HLTF: variants seen among roughly 807,000 people sequenced by gnomAD.
HLTF encodes helicase like transcription factor.
In HLTF, 127 loss-of-function variants were observed where a neutral mutation model predicts 129.4. The ratio of observed to expected loss-of-function variants is 0.98; its 90% CI spans 0.85 to 1.14. The LOEUF (loss-of-function observed/expected upper bound fraction) is 1.14. Ranked by LOEUF, HLTF falls within the 50% of genes most tolerant of loss-of-function variation. HLTF has a pLI of 0.00. For missense variants in HLTF, 1,139 were observed against 1,187.1 expected, an observed-to-expected ratio of 0.96 and a Z score of 0.60; for synonymous variants, 332 against 388.8, an observed-to-expected ratio of 0.85 and a Z score of 1.72.
chr3:149,084,600 A>G, intron 2 of HLTF, 82 bp downstream of exon 2: 1 of 969,482 alleles, frequency 1.0e-6, no homozygotes, highest in East Asian at 2.5e-5. Flanking sequence ...GATTAACCGC[A>G]CACATCACCT....
At chr3:149,051,364 T>C (rs566837698) in intron 14 of HLTF, among the ~76,000 whole-genome samples, 121 of 152,242 alleles carry the variant, frequency 7.9e-4, no homozygotes, top group African/African-American at 2.7e-3. Flanking sequence ...TGTAAATAAT[T>C]ACCTATAGAT....
intron 18 of HLTF, among the ~76,000 whole-genome samples, chr3:149,042,795 T>C (rs1716238291): frequency 6.6e-6 from 1 of 152,254 alleles, no homozygotes; most frequent in Middle Eastern, 3.4e-3. Flanking sequence ...TCTCTGTTTA[T>C]GTGTACTAAT....
At chr3:149,036,287 A>G (rs1212947199) in intron 23 of HLTF, among the ~76,000 whole-genome samples, 1 of 117,652 alleles carries the variant, frequency 8.5e-6, no homozygotes, top group East Asian at 2.5e-4. Context: ...TTTTAAATTA[A>G]AACTATGAGG....
At chr3:149,035,553 G>A (rs1576569424) in intron 23 of HLTF, among the ~76,000 whole-genome samples, 2 of 150,372 alleles carry the variant, frequency 1.3e-5, no homozygotes, top group East Asian at 2.0e-4. Context: ...AGCTACTCAG[G>A]AGGCTGAGGC....
intron 23 of HLTF, among the ~76,000 whole-genome samples, chr3:149,038,569 C>G (rs1715844936): frequency 6.6e-6 from 1 of 151,994 alleles, no homozygotes; most frequent in Non-Finnish European, 1.5e-5. Flanking sequence ...GTGACAGGAG[C>G]ATGGCTCACT....
At chr3:149,061,525 A>G (rs1351287580) in intron 10 of HLTF, among the ~76,000 whole-genome samples, 1 of 152,176 alleles carries the variant, frequency 6.6e-6, no homozygotes, top group Non-Finnish European at 1.5e-5. Context: ...TAAAGCATAT[A>G]AAACTGGAAC....
chr3:149,073,298 C>T lies in HLTF; in HGVS notation c.554G>A (p.Gly185Asp). ...TGGTCCAGCTCTTCCAGAGCCCCAACCACTTTCCAAATTGAATCCTAAAGC... is the reference window on the plus strand; with the variant it reads ...TGGTCCAGCTCTTCCAGAGCCCCAATCACTTTCCAAATTGAATCCTAAAGC... ...PKTLGFNLESGWGSGRAGPSY... is the reference protein window; with the variant it reads ...PKTLGFNLESDWGSGRAGPSY... The change falls in exon 5 of 25, where the codon GGT becomes GAT. Residue 185 changes from glycine to aspartate, a missense_variant. By Grantham distance (94) the Gly-to-Asp change is moderately conservative (BLOSUM62 -1). Transcript: ENST00000310053. 11 of 1,612,050 alleles carry T rather than the reference C, an allele frequency of 6.8e-6. No homozygotes were observed. Among genetic ancestry groups the T allele is most frequent in the Non-Finnish European group, 9.3e-6 (11 of 1,178,538 alleles).
intron 13 of HLTF, chr3:149,059,429 C>T (rs1717731681): frequency 4.3e-6 from 2 of 466,216 alleles, no homozygotes; most frequent in African/African-American, 4.0e-5. Context: ...AGCTTTAAAG[C>T]AGCCACAAAT....
Position 149,084,816 on chromosome 3 carries a change from T to G in HLTF, c.94A>C (p.Thr32Pro). ...HGNFPRLSYPTFFPRFEFQDV... is the reference protein window; with the variant it reads ...HGNFPRLSYPPFFPRFEFQDV... ...TGGAATTCAAAACGTGGAAAGAAAGTTGGATATGAGAGGCGTGGAAAATTT... is the reference window on the plus strand; with the variant it reads ...TGGAATTCAAAACGTGGAAAGAAAGGTGGATATGAGAGGCGTGGAAAATTT... The change falls in exon 2 of 25, where the codon ACT becomes CCT. Residue 32 changes from threonine (T) to proline (P), a missense_variant. Coordinates refer to ENST00000310053, the MANE Select transcript of HLTF (RefSeq NM_003071.4). 6.2e-7 allele frequency: 1 copy of G among 1,614,092 alleles called. No individual in the cohort carries two copies. The highest frequency in any genetic ancestry group is 8.5e-7 in the Non-Finnish European group (1 of 1,179,966).
At chr3:149,042,871 G>A (rs546161857) in intron 18 of HLTF, among the ~76,000 whole-genome samples, 4 of 152,098 alleles carry the variant, frequency 2.6e-5, no homozygotes, top group South Asian at 4.2e-4. Flanking sequence ...CCTGCTGGTC[G>A]GGGACATGAT....
intron 6 of HLTF, 45 bp from the exon 7 acceptor site, chr3:149,071,488 T>C: frequency 6.6e-7 from 1 of 1,520,354 alleles, no homozygotes; most frequent in Non-Finnish European, 9.1e-7. Context: ...AGCCATTCCT[T>C]TTTCACATGC....
chr3:149,060,558 A>G, intron 12 of HLTF, 85 bp downstream of exon 12: 2 of 1,100,108 alleles, frequency 1.8e-6, no homozygotes, highest in Non-Finnish European at 2.7e-6. Context: ...TTACTAAAAC[A>G]TTCCAACCTA....
chr3:149,054,276 G>A (rs1181157237), intron 14 of HLTF, among the ~76,000 whole-genome samples: 2 of 152,086 alleles, frequency 1.3e-5, no homozygotes, highest in African/African-American at 4.8e-5. Flanking sequence ...AAGCAGAAGA[G>A]TAGCAACTTT....
chr3:149,063,607 C>T (rs1035273418), intron 9 of HLTF, 83 bp from the exon 10 acceptor site: 7 of 743,278 alleles, frequency 9.4e-6, no homozygotes, highest in Non-Finnish European at 1.6e-5. Context: ...CCTTGGTTTT[C>T]TAATTACTGA....
At position 149,058,457 on chromosome 3, in the gene HLTF, T is replaced by C. The variant is rs114899652; in HGVS notation, c.1375+1261A>G. 5.0e-3 allele frequency among the ~76,000 whole-genome samples: 761 copies of C among 152,344 alleles called. 7 individuals carry two copies. The highest frequency in any genetic ancestry group is 0.018 in the African/African-American group (734 of 41,572). ...GGGTTTTCTTTCTATGGACTCCATA[T>C]GTACATCCTTTGACTATTCTCCTAT... On this transcript the variant is annotated intron_variant, in intron 13 of 24. Transcript: ENST00000310053.
intron 18 of HLTF, among the ~76,000 whole-genome samples, chr3:149,043,557 A>AC (rs886653611): frequency 2.0e-5 from 3 of 150,886 alleles, no homozygotes; most frequent in Non-Finnish European, 4.4e-5. Context: ...GAAAAAAAAA[A>AC]AAAAAAAAAA....
At chr3:149,079,826 C>T (rs1406743041) in intron 2 of HLTF, among the ~76,000 whole-genome samples, 1 of 151,994 alleles carries the variant, frequency 6.6e-6, no homozygotes, top group African/African-American at 2.4e-5. Flanking sequence ...CTCCTAACCT[C>T]GTGATCCACT....
At chr3:149,077,962 GA>G (rs1719527935) in intron 2 of HLTF, among the ~76,000 whole-genome samples, 1 of 151,992 alleles carries the variant, frequency 6.6e-6, no homozygotes, top group African/African-American at 2.4e-5. Context: ...ATTAATTCAG[GA>G]AAGTCACTAA....
intron 10 of HLTF, 144 bp downstream of exon 10, chr3:149,063,287 C>T (rs1718101084): frequency 3.5e-6 from 2 of 565,422 alleles, no homozygotes; most frequent in Non-Finnish European, 6.5e-6. Context: ...GTCTCAATCT[C>T]CTGACCTCAT....
Sources: allele counts gnomAD v4.1 joint callset (sites outside exome capture counted in the v4.1 genomes callset), GRCh38; gene constraint gnomAD v4.1.1; transcripts MANE v1.5; gene names NCBI Gene and HGNC (gene_info 2026-07-23, HGNC 2026-07-21).